Variants in SIM1 observed in about 807,000 individuals in gnomAD.
SIM1 encodes SIM bHLH transcription factor 1.
A neutral mutation model predicts 78.2 loss-of-function variants in SIM1; 18 were observed. That is an observed-to-expected ratio of 0.23 (90% CI 0.16 to 0.34). The LOEUF is 0.34. SIM1 is among the 10% of genes least tolerant of loss of function. The probability of loss-of-function intolerance (pLI) is 1.00; values close to 1 mark genes in which losing one functional copy is unlikely to be tolerated. For synonymous variants in SIM1, 417 were observed against 385.2 expected, an observed-to-expected ratio of 1.08 and a Z score of -0.97; for missense variants, 939 against 975.1, an observed-to-expected ratio of 0.96 and a Z score of 0.49.
Position 100,388,136 on chromosome 6 carries a change from A to G in SIM1, c.*2225T>C, listed in dbSNP as rs1486919822. On this transcript the variant is annotated 3_prime_UTR_variant, in exon 12 of 12. Coordinates refer to ENST00000369208, the MANE Select transcript of SIM1 (RefSeq NM_005068.3). ...TAAATAATTTTCTCAAAATTACTAA[A>G]TACTCTTTTTTGTATAATTCAAAAC... The G allele has an allele frequency of 6.6e-6, 1 of 152,160 alleles. No individual in the cohort carries two copies. The highest frequency in any genetic ancestry group is 2.4e-5 in the African/African-American group (1 of 41,458). The allele number at this position is 152,160 out of a possible 1,614,324, so 9.4% of individuals were successfully genotyped here. A position where few individuals can be genotyped will look rare whatever the true frequency, so the allele number is the denominator to read the frequency against.
intron 9 of SIM1, among the ~76,000 whole-genome samples, chr6:100,442,481 A>G (rs1772242448): frequency 6.6e-6 from 1 of 152,146 alleles, no homozygotes; most frequent in Non-Finnish European, 1.5e-5. Context: ...CTTAGTAAAG[A>G]TTAAACACAA....
At chr6:100,455,422 C>CTGTA (rs1292896001) in intron 2 of SIM1, among the ~76,000 whole-genome samples, 6 of 152,210 alleles carry the variant, frequency 3.9e-5, no homozygotes, top group Admixed American at 6.5e-5. Flanking sequence ...CCACAGCCAC[C>CTGTA]TGTACACACC....
chr6:100,453,717 C>T, intron 3 of SIM1, 45 bp downstream of exon 3: 1 of 1,429,896 alleles, frequency 7.0e-7, no homozygotes, highest in East Asian at 2.4e-5. Flanking sequence ...GCCAGGCACT[C>T]AGACCCTCAA....
chr6:100,455,973 T>G (rs1232986234), intron 2 of SIM1, among the ~76,000 whole-genome samples: 2 of 152,042 alleles, frequency 1.3e-5, no homozygotes, highest in Non-Finnish European at 2.9e-5. Context: ...CGAGGGAAAA[T>G]GAGACTTCCC....
At chr6:100,442,258 T>G (rs181489139) in intron 9 of SIM1, among the ~76,000 whole-genome samples, 1 of 152,084 alleles carries the variant, frequency 6.6e-6, no homozygotes, top group Non-Finnish European at 1.5e-5. Context: ...AAGGAAAAAG[T>G]GTATGAAGAA....
At chr6:100,396,556 G>T (rs182948697) in intron 10 of SIM1, among the ~76,000 whole-genome samples, 21 of 152,232 alleles carry the variant, frequency 1.4e-4, no homozygotes, top group Admixed American at 7.2e-4. Context: ...AATACCAAGC[G>T]CATTGCCCTG....
chr6:100,435,054 T>C (rs1445192989), intron 9 of SIM1, among the ~76,000 whole-genome samples: 1 of 152,196 alleles, frequency 6.6e-6, no homozygotes, highest in Non-Finnish European at 1.5e-5. Context: ...GATTGTTGTT[T>C]TGTGAAAACA....
intron 10 of SIM1, among the ~76,000 whole-genome samples, chr6:100,411,118 A>C (rs1771181198): frequency 1.3e-5 from 2 of 152,382 alleles, no homozygotes; most frequent in Middle Eastern, 3.4e-3. Flanking sequence ...ACTAGTTATC[A>C]TGAGAACTGA....
At position 100,462,054 on chromosome 6, in the gene SIM1, T is replaced by C. The variant is rs558553576; in HGVS notation, c.175+1240A>G. ...TTTCATGCTCCACTAATTTGGAGCA[T>C]GTTTTGCAGGCTTTTTGACTTAGAT... On this transcript the variant is annotated intron_variant, in intron 2 of 11. Transcript: ENST00000369208. 1.4e-4 allele frequency among the ~76,000 whole-genome samples: 21 copies of C among 152,224 alleles called. No homozygotes were observed. The South Asian group carries it at 4.1e-3, about 30-fold the overall frequency.
At chr6:100,415,138 T>C (rs1339896962) in intron 10 of SIM1, among the ~76,000 whole-genome samples, 1 of 152,144 alleles carries the variant, frequency 6.6e-6, no homozygotes, top group East Asian at 1.9e-4. Context: ...CTGTAATAAA[T>C]GTAACTACAA....
At chr6:100,457,674 A>C (rs543381063) in intron 2 of SIM1, among the ~76,000 whole-genome samples, 17 of 152,362 alleles carry the variant, frequency 1.1e-4, no homozygotes, top group Admixed American at 9.1e-4. Flanking sequence ...AGCCCGAATC[A>C]AGCTCCTAGA....
chr6:100,398,676 T>C (rs1770828958), intron 10 of SIM1, among the ~76,000 whole-genome samples: 1 of 152,094 alleles, frequency 6.6e-6, no homozygotes, highest in Non-Finnish European at 1.5e-5. Flanking sequence ...CATTCACCCA[T>C]TGATGACACT....
Position 100,390,518 on chromosome 6 carries a change from C to A in SIM1, c.2144G>T (p.Gly715Val), listed in dbSNP as rs753660670. 9.9e-6 allele frequency: 16 copies of A among 1,613,964 alleles called. No homozygotes were observed. Among genetic ancestry groups the A allele is most frequent in the African/African-American group, 2.7e-5 (2 of 74,872 alleles). Residue 715 changes from glycine to valine, a missense_variant, in exon 12 of 12, where the codon GGA becomes GTA. By Grantham distance (109) the Gly-to-Val change is moderately radical. This residue lies in a region of SIM1 where 556 missense variants were observed against 521.9 expected (regional missense o/e 1.07). Coordinates refer to ENST00000369208, the MANE Select transcript of SIM1 (RefSeq NM_005068.3). ...YFDKHAYTLT[G>V]YALEHLYDSE... ...GTCATATAAGTGCTCCAGGGCATAT[C>A]CAGTTAATGTGTAAGCATGCTTGTC...
chr6:100,412,569 AAG>A (rs1455294925), intron 10 of SIM1, among the ~76,000 whole-genome samples: 16 of 107,636 alleles, frequency 1.5e-4, no homozygotes, highest in East Asian at 1.4e-3. Context: ...GAAAGAAAGA[AAG>A]AAAGAAAGAA....
chr6:100,450,178 G>C, intron 4 of SIM1, 89 bp downstream of exon 4: 1 of 1,037,092 alleles, frequency 9.6e-7, no homozygotes, highest in Non-Finnish European at 1.5e-6. Flanking sequence ...GTTTAGAGAA[G>C]CACACCCAGC....
At chr6:100,421,822 A>G (rs1771596732) in intron 9 of SIM1, among the ~76,000 whole-genome samples, 1 of 152,150 alleles carries the variant, frequency 6.6e-6, no homozygotes, top group Non-Finnish European at 1.5e-5. Context: ...GAGGATATTA[A>G]CCCTTTCCAC....
intron 8 of SIM1, among the ~76,000 whole-genome samples, chr6:100,447,818 G>A (rs1368559150): frequency 2.0e-5 from 3 of 152,242 alleles, no homozygotes; most frequent in African/African-American, 7.2e-5. Flanking sequence ...CAACGCAAGT[G>A]AGCGCCAGCC....
chr6:100,438,350 G>A (rs1034832537), intron 9 of SIM1, among the ~76,000 whole-genome samples: 5 of 152,052 alleles, frequency 3.3e-5, no homozygotes, highest in South Asian at 2.1e-4. Context: ...GCCAACAAAC[G>A]TATGAAGAAA....
rs887372755 is a variant in SIM1 at position 100,385,208 on chromosome 6, C to A, written c.*5153G>T. ...TCCAAAGTAAAATTTCAAATTACAG[C>A]TTTATACTACAATGTCACTAAAAAC... On this transcript the variant is annotated 3_prime_UTR_variant, in exon 12 of 12. Coordinates refer to ENST00000369208, the MANE Select transcript of SIM1 (RefSeq NM_005068.3). 6.6e-6 allele frequency: 1 copy of A among 151,956 alleles called. No individual in the cohort carries two copies. Among genetic ancestry groups the A allele is most frequent in the African/African-American group, 2.4e-5 (1 of 41,384 alleles). 9.4% of individuals were successfully genotyped at this position (151,956 alleles called of 1,614,324 possible). A position where few individuals can be genotyped will look rare whatever the true frequency, so the allele number is the denominator to read the frequency against.
Sources: allele counts gnomAD v4.1 joint callset (sites outside exome capture counted in the v4.1 genomes callset), GRCh38; gene constraint gnomAD v4.1.1; regional missense constraint gnomAD v4.1.1; transcripts MANE v1.5; gene names NCBI Gene and HGNC (gene_info 2026-07-23, HGNC 2026-07-21).